The following SCN1A variants were observed in gnomAD, a reference collection of about 807,000 sequenced individuals.
The protein encoded by SCN1A is sodium channel protein type 1 subunit alpha.
Under a neutral mutation model 193.7 loss-of-function variants are expected in SCN1A, and 13 were observed. The observed-to-expected ratio is 0.07, with a 90% confidence interval of 0.04 to 0.11. SCN1A has a LOEUF of 0.11. Ranked by LOEUF, SCN1A falls within the 10% of genes least tolerant of loss-of-function variation. The probability of loss-of-function intolerance (pLI) is 1.00; values close to 1 mark genes in which losing one functional copy is unlikely to be tolerated. For synonymous variants in SCN1A, 781 were observed against 843.6 expected (o/e 0.93, Z 1.29); for missense variants, 1,432 against 2,451.1 (o/e 0.58, Z 8.78).
intron 2 of SCN1A, among the ~76,000 whole-genome samples, chr2:166,109,290 C>G (rs1689036258): frequency 6.6e-6 from 1 of 152,098 alleles, no homozygotes; most frequent in Admixed American, 6.5e-5. Flanking sequence ...ATCAAGATAA[C>G]AGTACAGATA....
chr2:165,996,229 A>G, intron 26 of SCN1A, 112 bp from the exon 27 acceptor site: 2 of 666,208 alleles, frequency 3.0e-6, no homozygotes, highest in Non-Finnish European at 5.3e-6. Context: ...TCAACTGATT[A>G]GTATAATTAT....
chr2:166,073,825 T>G, intron 3 of SCN1A, 155 bp from the exon 4 acceptor site: 1 of 608,636 alleles, frequency 1.6e-6, no homozygotes, highest in Non-Finnish European at 2.8e-6. Flanking sequence ...ACACAAATGG[T>G]TTCTGTGTTG....
chr2:166,120,596 C>CTTTTTTT (rs57044851), intron 2 of SCN1A, among the ~76,000 whole-genome samples: 32 of 72,484 alleles, frequency 4.4e-4, no homozygotes, highest in Admixed American at 7.0e-4. Flanking sequence ...TTTCTTTTCT[C>CTTTTTTT]TTTTTTTTTT....
chr2:166,065,049 A>G (rs574861449), intron 4 of SCN1A, among the ~76,000 whole-genome samples: 3 of 152,342 alleles, frequency 2.0e-5, no homozygotes, highest in South Asian at 2.1e-4. Flanking sequence ...ACAGATACAC[A>G]TATATTTCTA....
chr2:166,041,501 C>A, intron 15 of SCN1A, 32 bp from the exon 16 acceptor site: 3 of 1,298,154 alleles, frequency 2.3e-6, no homozygotes, highest in South Asian at 1.3e-5. Flanking sequence ...AAAGAACCAC[C>A]AAAAGGTATA....
chr2:166,066,210 A>G (rs1003258356), intron 4 of SCN1A, among the ~76,000 whole-genome samples: 1 of 152,158 alleles, frequency 6.6e-6, no homozygotes, highest in Admixed American at 6.5e-5. Flanking sequence ...TTATAACAAC[A>G]AGGAAAAAGA....
intron 1 of SCN1A, among the ~76,000 whole-genome samples, chr2:166,141,459 A>G (rs1692080966): frequency 6.6e-6 from 1 of 152,102 alleles, no homozygotes; most frequent in Admixed American, 6.6e-5. Flanking sequence ...TGGGAGGCTG[A>G]GGTGGGAGGA....
downstream of SCN1A, chr2:165,985,237 T>C (rs1688536875): frequency 6.8e-6 from 1 of 147,594 alleles, no homozygotes; most frequent in South Asian, 2.1e-4. Context: ...GAAAAATTGA[T>C]CTCTGAAAAG....
intron 8 of SCN1A, 62 bp from the exon 9 acceptor site, chr2:166,052,050 A>C (rs1698634303): frequency 2.7e-6 from 4 of 1,474,454 alleles, no homozygotes; most frequent in East Asian, 2.3e-5. Flanking sequence ...AAAGCTTCAC[A>C]CAATTTTCTT....
At chr2:166,058,987 T>C (rs1192655262) in intron 4 of SCN1A, among the ~76,000 whole-genome samples, 1 of 152,140 alleles carries the variant, frequency 6.6e-6, no homozygotes, top group African/African-American at 2.4e-5. Flanking sequence ...CTGAGTTAAA[T>C]GAAAGTCTTA....
At chr2:166,069,061 G>GA (rs1456228318) in intron 4 of SCN1A, among the ~76,000 whole-genome samples, 1 of 151,940 alleles carries the variant, frequency 6.6e-6, no homozygotes, top group Non-Finnish European at 1.5e-5. Flanking sequence ...AGGAAACTGT[G>GA]AAAAAAAGTC....
chr2:166,068,863 G>A (rs934458287), intron 4 of SCN1A, among the ~76,000 whole-genome samples: 3 of 152,172 alleles, frequency 2.0e-5, no homozygotes, highest in Non-Finnish European at 2.9e-5. Flanking sequence ...TTTTACTACA[G>A]ATCTAAAATG....
In SCN1A at chr2:166,043,999, T is replaced by A; in HGVS notation, c.1713A>T (p.Arg571Ser). 6.2e-7 allele frequency: 1 copy of A among 1,614,190 alleles called. No homozygotes were observed. Among genetic ancestry groups the A allele is most frequent in the Non-Finnish European group, 8.5e-7 (1 of 1,180,026 alleles). Residue 571 changes from arginine (R) to serine (S), a missense_variant, in exon 14 of 29, where the codon AGA becomes AGT. By Grantham distance (110) the Arg-to-Ser change is moderately radical. This residue lies in a region of SCN1A where 316 missense variants were observed against 362.1 expected (regional missense o/e 0.87). Coordinates refer to ENST00000674923, the MANE Select transcript of SCN1A (RefSeq NM_001165963.4). ...GCCCTCTAAAGCTGAAAAGGCTTGT[T>A]CTGCTATTTCGCCTTGGTGAAAATA... ...GSLFSPRRNSRTSLFSFRGRA... is the reference protein window; with the variant it reads ...GSLFSPRRNSSTSLFSFRGRA...
rs763601723 is a variant in SCN1A, at chr2:166,046,751, T to C, written c.1377+19A>G. 2.5e-6 allele frequency: 4 copies of C among 1,612,220 alleles called. No individual in the cohort carries two copies. The South Asian group carries it at 3.3e-5, about 13-fold the overall frequency. On this transcript the variant is annotated intron_variant, in intron 12 of 28. Transcript: ENST00000674923. ...TCAGAACGATAAAAGGTCAGTGCCA[T>C]GAGACAGGGCAGCTTTACCTGAGCT...
chr2:166,052,080 A>G (rs759667761), intron 8 of SCN1A, 92 bp from the exon 9 acceptor site: 7 of 1,257,946 alleles, frequency 5.6e-6, no homozygotes, highest in Non-Finnish European at 7.8e-6. Context: ...GATTTCATTC[A>G]TAAATCCAAG....
intron 1 of SCN1A, among the ~76,000 whole-genome samples, chr2:166,142,807 C>A (rs1692144208): frequency 6.6e-6 from 1 of 152,210 alleles, no homozygotes; most frequent in African/African-American, 2.4e-5. Flanking sequence ...ATACTTGAAT[C>A]ACGGGGGCAG....
chr2:166,132,455 C>A (rs1377018430), upstream of SCN1A, among the ~76,000 whole-genome samples: 1 of 151,932 alleles, frequency 6.6e-6, no homozygotes, highest in Non-Finnish European at 1.5e-5. Context: ...AAGCATTCAC[C>A]AACACTGTGC....
intron 22 of SCN1A, among the ~76,000 whole-genome samples, chr2:166,010,126 A>G (rs1358835535): frequency 6.7e-6 from 1 of 150,052 alleles, no homozygotes; most frequent in African/African-American, 2.5e-5. Flanking sequence ...TTAGTAAAAT[A>G]AAAGAAGAAA....
chr2:166,011,400 T>C (rs2105585232), intron 22 of SCN1A, among the ~76,000 whole-genome samples: 1 of 151,244 alleles, frequency 6.6e-6, no homozygotes, highest in East Asian at 1.9e-4. Flanking sequence ...AGTCAGTCAC[T>C]TGTTTTCAGT....
Sources: allele counts gnomAD v4.1 joint callset (sites outside exome capture counted in the v4.1 genomes callset), GRCh38; gene constraint gnomAD v4.1.1; regional missense constraint gnomAD v4.1.1; transcripts MANE v1.5; gene names NCBI Gene and HGNC (gene_info 2026-07-23, HGNC 2026-07-21).